OCA2: variants seen among roughly 807,000 people sequenced by gnomAD.
The protein encoded by OCA2 is P protein.
In OCA2, 77 loss-of-function variants were observed where a neutral mutation model predicts 100.2. The ratio of observed to expected loss-of-function variants is 0.77; its 90% CI spans 0.64 to 0.93. OCA2 has a LOEUF of 0.93. Ranked by LOEUF, OCA2 falls within the 40% of genes least tolerant of loss-of-function variation. The probability of loss-of-function intolerance (pLI) is 0.00; values close to 1 mark genes in which losing one functional copy is unlikely to be tolerated. For missense variants in OCA2, 1,062 were observed against 1,089.1 expected (o/e 0.98, Z 0.35); for synonymous variants, 432 against 439.2 (o/e 0.98, Z 0.21).
intron 1 of OCA2, among the ~76,000 whole-genome samples, chr15:28,095,116 T>C (rs1468555595): frequency 2.6e-5 from 4 of 152,216 alleles, no homozygotes; most frequent in Non-Finnish European, 5.9e-5. Flanking sequence ...CCTGCCCAGG[T>C]CCAGGCAGCC....
chr15:27,957,464 G>A lies in OCA2; in HGVS notation c.1784+124C>T, dbSNP rs1023512696. The A allele has an allele frequency of 2.6e-6, 3 of 1,162,084 alleles. No individual in the cohort carries two copies. Among genetic ancestry groups the A allele is most frequent in the Non-Finnish European group, 3.8e-6 (3 of 783,972 alleles). The allele number at this position is 1,162,084 out of a possible 1,614,324, so 72.0% of individuals were successfully genotyped here. A position where few individuals can be genotyped will look rare whatever the true frequency, so the allele number is the denominator to read the frequency against. ...GGTTAGATAAAATGTACTATAAGAG[G>A]CTTAGCACAGTGTGCGTCACCTAAA... On this transcript the variant is annotated intron_variant, in intron 16 of 23. Coordinates refer to ENST00000354638, the MANE Select transcript of OCA2 (RefSeq NM_000275.3). This position sits in a 1 kb window ranked among gnomAD's most constrained non-coding sequence, Gnocchi z 4.3.
In OCA2 at chr15:27,955,261, G is replaced by A. The variant is rs180789374; in HGVS notation, c.1785-46C>T. 8.2e-5 allele frequency: 117 copies of A among 1,432,000 alleles called. No homozygotes were observed. In the East Asian group the frequency reaches 8.7e-4, roughly 11 times the overall value. 88.7% of individuals were successfully genotyped at this position (1,432,000 alleles called of 1,614,324 possible). ...CTCATTACTTCCCTGGTCACGCTGCGTGGTGAGATCGCGGAGCAGCAGTCC... is the reference window on the plus strand; with the variant it reads ...CTCATTACTTCCCTGGTCACGCTGCATGGTGAGATCGCGGAGCAGCAGTCC... On this transcript the variant is annotated intron_variant, in intron 16 of 23. Coordinates refer to ENST00000354638, the MANE Select transcript of OCA2 (RefSeq NM_000275.3).
At chr15:27,919,876 G>T (rs1211781645) in intron 19 of OCA2, among the ~76,000 whole-genome samples, 1 of 152,134 alleles carries the variant, frequency 6.6e-6, no homozygotes, top group South Asian at 2.1e-4. Flanking sequence ...TGCATGTGTG[G>T]GGGTTGGAGT....
chr15:27,851,238 C>T (rs747410488), intron 22 of OCA2, 144 bp downstream of exon 22: 54 of 766,212 alleles, frequency 7.0e-5, no homozygotes, highest in Non-Finnish European at 5.6e-5. Flanking sequence ...ATTGCTCTGT[C>T]AAAGCTGAAT....
At chr15:28,022,881 C>T (rs2042638673) in intron 5 of OCA2, among the ~76,000 whole-genome samples, 1 of 152,098 alleles carries the variant, frequency 6.6e-6, no homozygotes, top group Non-Finnish European at 1.5e-5. Flanking sequence ...GCATATGACC[C>T]CTGTGATGGT....
chr15:28,097,634 C>G (rs1427936234), intron 1 of OCA2, among the ~76,000 whole-genome samples: 3 of 152,204 alleles, frequency 2.0e-5, no homozygotes. Context: ...CCGCCCAACT[C>G]TCTTCTGCAG....
At chr15:27,937,866 T>G (rs2039512109) in intron 18 of OCA2, among the ~76,000 whole-genome samples, 1 of 152,248 alleles carries the variant, frequency 6.6e-6, no homozygotes, top group South Asian at 2.1e-4. Context: ...TGTGGCTTCT[T>G]GTTCACTCAT....
At chr15:27,774,028 GT>G (rs892715976) in intron 23 of OCA2, among the ~76,000 whole-genome samples, 11 of 151,952 alleles carry the variant, frequency 7.2e-5, no homozygotes, top group Non-Finnish European at 1.5e-4. Flanking sequence ...TGTTTCTATG[GT>G]TTTTTTTCTA....
chr15:27,739,592 C>T, the OCA2 span, among the ~76,000 whole-genome samples: 2 of 151,696 alleles, frequency 1.3e-5, no homozygotes, highest in Non-Finnish European at 2.9e-5. Context: ...ACTACAGGCG[C>T]CCACCACCAT....
At chr15:28,056,091 G>C (rs1476904870) in intron 2 of OCA2, among the ~76,000 whole-genome samples, 14 of 152,070 alleles carry the variant, frequency 9.2e-5, no homozygotes, top group Admixed American at 8.5e-4. Flanking sequence ...GTGGCCCTGG[G>C]CTCTGGCCAC....
At chr15:27,907,793 C>T (rs934982287) in intron 19 of OCA2, among the ~76,000 whole-genome samples, 5 of 152,008 alleles carry the variant, frequency 3.3e-5, no homozygotes, top group African/African-American at 1.2e-4. Context: ...TACAGATTGC[C>T]AATATTGACC....
At chr15:28,069,612 C>T (rs969966145) in intron 2 of OCA2, among the ~76,000 whole-genome samples, 1 of 141,684 alleles carries the variant, frequency 7.1e-6, no homozygotes, top group South Asian at 2.3e-4. Flanking sequence ...CTGTGTTGGC[C>T]GGGCCGGTCT....
At chr15:27,728,415 G>A in the OCA2 span, among the ~76,000 whole-genome samples, 1 of 151,432 alleles carries the variant, frequency 6.6e-6, no homozygotes, top group Non-Finnish European at 1.5e-5. Flanking sequence ...TTCTAAATGA[G>A]CTGCAGAGCT....
chr15:27,769,491 C>T (rs1297403981), intron 23 of OCA2, among the ~76,000 whole-genome samples: 5 of 152,208 alleles, frequency 3.3e-5, no homozygotes, highest in East Asian at 1.9e-4. Flanking sequence ...AGACTGAAAC[C>T]ATTCTTCCTG....
rs1226536494 is a variant in OCA2 at position 27,885,674 on chromosome 15, A to G, written c.2080-13752T>C. On this transcript the variant is annotated intron_variant, in intron 19 of 23. Transcript: ENST00000354638. ...TTGATATATGGTTTGATTTCTAAAT[A>G]TAAGTACACGTATTTCAAAAACGTG... 2.6e-5 allele frequency among the ~76,000 whole-genome samples: 4 copies of G among 152,340 alleles called. No individual in the cohort carries two copies. The East Asian group carries it at 5.8e-4, about 22-fold the overall frequency.
At chr15:27,785,724 A>G (rs530721271) in intron 23 of OCA2, among the ~76,000 whole-genome samples, 3 of 152,312 alleles carry the variant, frequency 2.0e-5, no homozygotes, top group African/African-American at 7.2e-5. Flanking sequence ...ATATGTTCCC[A>G]CAATCCCACT....
chr15:28,089,018 G>A (rs1285035302), intron 1 of OCA2, among the ~76,000 whole-genome samples: 1 of 152,154 alleles, frequency 6.6e-6, no homozygotes, highest in Non-Finnish European at 1.5e-5. Context: ...CCCCAAAGTG[G>A]CCATTCCAGA....
intron 19 of OCA2, 33 bp downstream of exon 19, chr15:27,926,094 A>C: frequency 1.2e-6 from 2 of 1,613,044 alleles, no homozygotes; most frequent in South Asian, 2.2e-5. Flanking sequence ...AAATCAGGTA[A>C]AATGCCATAT....
downstream of OCA2, among the ~76,000 whole-genome samples, chr15:27,753,219 G>T (rs2030133366): frequency 6.6e-6 from 1 of 152,038 alleles, no homozygotes; most frequent in Non-Finnish European, 1.5e-5. Flanking sequence ...GGGTAACCTG[G>T]GGTAAATGAC....
Sources: gnomAD v4.1 joint callset for allele counts (sites outside exome capture counted in the v4.1 genomes callset) on GRCh38, gnomAD v4.1.1 for gene constraint, Gnocchi (gnomAD v3.1) non-coding constraint, MANE v1.5 for transcripts, NCBI Gene and HGNC (gene_info 2026-07-23, HGNC 2026-07-21) for gene names.